The following SLC38A1 variants were observed in gnomAD, a reference collection of about 807,000 sequenced individuals.
SLC38A1 encodes the protein sodium-coupled neutral amino acid symporter 1.
Under a neutral mutation model 60.3 loss-of-function variants are expected in SLC38A1, and 18 were observed. The ratio of observed to expected loss-of-function variants is 0.30; its 90% confidence interval spans 0.21 to 0.44. The LOEUF (loss-of-function observed/expected upper bound fraction) is 0.44, where lower values mean the gene tolerates loss of function less well. SLC38A1 is among the 20% of genes least tolerant of loss of function. The probability of loss-of-function intolerance (pLI) is 1.00; values close to 1 mark genes in which losing one functional copy is unlikely to be tolerated. For synonymous variants in SLC38A1, 196 were observed against 212.1 expected (o/e 0.92, Z 0.66); for missense variants, 448 against 587.2 (o/e 0.76, Z 2.45).
In SLC38A1 at chr12:46,201,138, C is replaced by T. The variant is rs1354655758; in HGVS notation, c.963G>A (p.Met321Ile). The T allele has an allele frequency of 4.3e-6, 7 of 1,613,282 alleles. No individual in the cohort carries two copies. The highest frequency in any genetic ancestry group is 5.9e-6 in the Non-Finnish European group (7 of 1,179,674). ...AGCCAAAAATGGCAGTCAAGAAGTA[C>T]ATAACAAACATGGCGAAAAAGGAGA... ...SNISFFAMFV[M>I]YFLTAIFGYL... The change falls in exon 13 of 17, where the codon ATG (methionine) becomes ATA (isoleucine). Residue 321 changes from methionine (M) to isoleucine (I), a missense_variant. This residue lies in a region of SLC38A1 where 346 missense variants were observed against 497.5 expected (regional missense o/e 0.70). Coordinates refer to ENST00000398637, the MANE Select transcript of SLC38A1 (RefSeq NM_030674.4).
At chr12:46,255,531 C>A (rs1941991678) in intron 1 of SLC38A1, among the ~76,000 whole-genome samples, 1 of 152,164 alleles carries the variant, frequency 6.6e-6, no homozygotes, top group Non-Finnish European at 1.5e-5. Context: ...TTCTTTAATC[C>A]TTTAATTTGG....
intron 1 of SLC38A1, chr12:46,267,439 G>C (rs1000278012): frequency 6.6e-6 from 1 of 152,426 alleles, no homozygotes; most frequent in Non-Finnish European, 1.5e-5. Context: ...ACTGGGAGCG[G>C]CGTGACGCGG....
intron 1 of SLC38A1, among the ~76,000 whole-genome samples, chr12:46,264,675 A>C (rs1298487650): frequency 6.6e-6 from 1 of 152,148 alleles, no homozygotes; most frequent in Admixed American, 6.5e-5. Flanking sequence ...ATATAAATGA[A>C]TTGAAAGTGA....
chr12:46,201,233 T>C (rs1196194295), intron 12 of SLC38A1, 35 bp from the exon 13 acceptor site: 1 of 1,526,384 alleles, frequency 6.6e-7, no homozygotes, highest in Middle Eastern at 1.7e-4. Context: ...TTAAAAATCA[T>C]ATGACTGAAT....
At chr12:46,249,943 A>G (rs1252300136) in intron 1 of SLC38A1, among the ~76,000 whole-genome samples, 1 of 152,206 alleles carries the variant, frequency 6.6e-6, no homozygotes, top group African/African-American at 2.4e-5. Context: ...TCCTGAAACT[A>G]TTCTAATTAA....
intron 12 of SLC38A1, among the ~76,000 whole-genome samples, chr12:46,201,906 AAGTAGG>A (rs1939676412): frequency 6.7e-6 from 1 of 150,272 alleles, no homozygotes; most frequent in Admixed American, 6.7e-5. Flanking sequence ...AAAAACGGAG[AAGTAGG>A]CCCCGCGCGG....
At chr12:46,209,630 T>C (rs1940061428) in intron 5 of SLC38A1, among the ~76,000 whole-genome samples, 1 of 152,230 alleles carries the variant, frequency 6.6e-6, no homozygotes, top group African/African-American at 2.4e-5. Context: ...TTTTCATCTA[T>C]TACTTCATGG....
Position 46,187,177 on chromosome 12 carries a change from G to A in SLC38A1, c.*1793C>T, listed in dbSNP as rs1317580424. On this transcript the variant is annotated 3_prime_UTR_variant, in exon 17 of 17. Coordinates refer to ENST00000398637, the MANE Select transcript of SLC38A1 (RefSeq NM_030674.4). ...TTCTCCCCCCTAGAGGATCACGACAGGTGCTTCAATGCCTGCCTTATCTAT... is the reference window on the plus strand; with the variant it reads ...TTCTCCCCCCTAGAGGATCACGACAAGTGCTTCAATGCCTGCCTTATCTAT... 1 of 152,190 alleles carries A rather than the reference G, an allele frequency of 6.6e-6. No homozygotes were observed. Among genetic ancestry groups the A allele is most frequent in the Non-Finnish European group, 1.5e-5 (1 of 68,044 alleles). 9.4% of individuals were successfully genotyped at this position (152,190 alleles called of 1,614,324 possible).
At position 46,183,340 on chromosome 12, in the gene SLC38A1, C is replaced by T. The variant is rs1206480256; in HGVS notation, c.*5630G>A. ...ACACTGGACTCTAGAGAGTGGATTA[C>T]ATACCAACGACCAAGATTCAAGTGT... On this transcript the variant is annotated 3_prime_UTR_variant, in exon 17 of 17. Transcript: ENST00000398637. 1.3e-5 allele frequency: 2 copies of T among 152,192 alleles called. No individual in the cohort carries two copies. The highest frequency in any genetic ancestry group is 2.9e-5 in the Non-Finnish European group (2 of 68,028). The allele number at this position is 152,192 out of a possible 1,614,324, so 9.4% of individuals were successfully genotyped here.
chr12:46,215,909 C>G (rs982467015), intron 5 of SLC38A1, among the ~76,000 whole-genome samples: 1 of 152,156 alleles, frequency 6.6e-6, no homozygotes, highest in Non-Finnish European at 1.5e-5. Flanking sequence ...ATCACTGTCT[C>G]CTAATAACCC....
intron 13 of SLC38A1, 122 bp downstream of exon 13, chr12:46,200,963 CGAAGAAAAAACTA>C: frequency 3.1e-6 from 2 of 653,846 alleles, no homozygotes; most frequent in East Asian, 5.6e-5. Context: ...TGCTTTAAGT[CGAAGAAAAAACTA>C]GAAAAACCAA....
At chr12:46,256,741 C>CTGGCTGCA (rs1942044274) in intron 1 of SLC38A1, among the ~76,000 whole-genome samples, 2 of 152,016 alleles carry the variant, frequency 1.3e-5, no homozygotes, top group Admixed American at 1.3e-4. Flanking sequence ...TGAGACCTGG[C>CTGGCTGCA]TGGCTGCATC....
intron 7 of SLC38A1, 132 bp downstream of exon 7, chr12:46,207,397 T>C: frequency 9.4e-7 from 1 of 1,061,690 alleles, no homozygotes; most frequent in Non-Finnish European, 1.4e-6. Context: ...GTGACTGCTG[T>C]CTCTGCTTTA....
Position 46,239,720 on chromosome 12 carries a change from G to A in SLC38A1, c.81C>T (p.Asp27=), listed in dbSNP as rs746241412. 40 of 1,613,464 alleles carry A rather than the reference G, an allele frequency of 2.5e-5. No homozygotes were observed. The East Asian group carries it at 8.0e-4, about 32-fold the overall frequency. ...TVPEDDNISN[D]SNDFTEVENG... ...TTTCTACTTCGGTGAAATCATTGGA[G>A]TCATTGCTAATGTTATCATCCTCGG... is the stretch of plus-strand genomic sequence containing the variant. The change falls in exon 3 of 17, where the codon GAC becomes GAT. Residue 27 remains aspartate (D), a synonymous_variant. Transcript: ENST00000398637.
intron 1 of SLC38A1, among the ~76,000 whole-genome samples, chr12:46,247,785 G>A (rs2138547213): frequency 6.6e-6 from 1 of 152,318 alleles, no homozygotes; most frequent in African/African-American, 2.4e-5. Flanking sequence ...CAGCCAGAGA[G>A]AAAGGTCGGG....
chr12:46,261,660 C>G (rs1219772613), intron 1 of SLC38A1, among the ~76,000 whole-genome samples: 8 of 152,162 alleles, frequency 5.3e-5, no homozygotes, highest in African/African-American at 1.9e-4. Context: ...TACATTTGAT[C>G]TGGGCGTGTG....
chr12:46,224,856 T>C (rs1201158543), intron 5 of SLC38A1, among the ~76,000 whole-genome samples: 1 of 152,212 alleles, frequency 6.6e-6, no homozygotes, highest in African/African-American at 2.4e-5. Flanking sequence ...AAATGATCTA[T>C]AATAGTTTCA....
chr12:46,210,320 A>C (rs1211075664), intron 5 of SLC38A1, among the ~76,000 whole-genome samples: 2 of 152,236 alleles, frequency 1.3e-5, no homozygotes, highest in Non-Finnish European at 1.5e-5. Context: ...GGTCAACAGC[A>C]GAACAGATGA....
intron 3 of SLC38A1, among the ~76,000 whole-genome samples, chr12:46,235,987 T>C (rs1427899244): frequency 2.6e-5 from 4 of 152,310 alleles, no homozygotes; most frequent in African/African-American, 9.6e-5. Context: ...AGCAATGTCA[T>C]TGCTTCTTGA....
Sources: allele counts gnomAD v4.1 joint callset (sites outside exome capture counted in the v4.1 genomes callset), GRCh38; gene constraint gnomAD v4.1.1; regional missense constraint gnomAD v4.1.1; transcripts MANE v1.5; gene names NCBI Gene and HGNC (gene_info 2026-07-23, HGNC 2026-07-21).